PRKCB: variants seen among roughly 807,000 people sequenced by gnomAD.
PRKCB encodes protein kinase C beta type.
A neutral mutation model predicts 81.5 loss-of-function variants in PRKCB; 13 were observed. The observed-to-expected ratio is 0.16, with a 90% CI of 0.10 to 0.25. PRKCB has a LOEUF of 0.25. Among genes scored for constraint, PRKCB ranks in the 10% least tolerant of loss-of-function variants. The probability of loss-of-function intolerance (pLI) is 1.00; values close to 1 mark genes in which losing one functional copy is unlikely to be tolerated. For synonymous variants in PRKCB, 335 were observed against 321.4 expected (o/e 1.04, Z -0.45); for missense variants, 509 against 875.7 (o/e 0.58, Z 5.29).
intron 16 of PRKCB, among the ~76,000 whole-genome samples, chr16:24,213,116 C>A (rs1392602330): frequency 6.6e-6 from 1 of 151,956 alleles, no homozygotes; most frequent in Admixed American, 6.6e-5. Flanking sequence ...CCGACTGCAA[C>A]CTCCGCCTCC....
intron 9 of PRKCB, among the ~76,000 whole-genome samples, chr16:24,140,329 A>G (rs921791691): frequency 3.9e-5 from 6 of 152,230 alleles, no homozygotes; most frequent in African/African-American, 1.4e-4. Context: ...GAATTCGCCA[A>G]CAACCATGGT....
At chr16:24,106,051 T>TA (rs34076463) in intron 7 of PRKCB, among the ~76,000 whole-genome samples, 3 of 150,502 alleles carry the variant, frequency 2.0e-5, no homozygotes, top group Non-Finnish European at 3.0e-5. Flanking sequence ...TACTTTTTTT[T>TA]AAAAAAACTT....
At chr16:24,005,129 C>T (rs1965100256) in intron 3 of PRKCB, among the ~76,000 whole-genome samples, 1 of 151,834 alleles carries the variant, frequency 6.6e-6, no homozygotes, top group African/African-American at 2.4e-5. Flanking sequence ...TATGCTTAAA[C>T]TCTGTACATT....
At chr16:24,001,264 A>G (rs1198114896) in intron 3 of PRKCB, among the ~76,000 whole-genome samples, 1 of 152,196 alleles carries the variant, frequency 6.6e-6, no homozygotes, top group South Asian at 2.1e-4. Flanking sequence ...TCAACACTTT[A>G]TGGCTTTAGA....
At chr16:24,092,713 C>T in intron 5 of PRKCB, 78 bp from the exon 6 acceptor site, 6 of 1,389,496 alleles carry the variant, frequency 4.3e-6, no homozygotes, top group Non-Finnish European at 4.9e-6. Flanking sequence ...GAACCTTCCA[C>T]AAGTTCTGCA....
chr16:24,189,180 G>T (rs546958141), intron 15 of PRKCB, among the ~76,000 whole-genome samples: 1 of 152,268 alleles, frequency 6.6e-6, no homozygotes, highest in East Asian at 1.9e-4. Flanking sequence ...GCTAGGCAGA[G>T]GTGGAGTCTG....
chr16:24,038,367 G>A (rs2046892), intron 5 of PRKCB, among the ~76,000 whole-genome samples: 71,797 of 152,120 alleles, frequency 0.47, 17,223 homozygotes, highest in South Asian at 0.64. Context: ...GATGTTCAGA[G>A]CAGGCAAATG....
chr16:24,091,351 A>G (rs183035467), intron 5 of PRKCB, among the ~76,000 whole-genome samples: 66 of 152,344 alleles, frequency 4.3e-4, no homozygotes, highest in African/African-American at 1.6e-3. Context: ...TTCACCTTTT[A>G]GCAGATAGTT....
chr16:24,125,572 A>G (rs1023439373), intron 9 of PRKCB, among the ~76,000 whole-genome samples: 2 of 152,082 alleles, frequency 1.3e-5, no homozygotes, highest in Admixed American at 6.5e-5. Context: ...ACTGTCCATT[A>G]TGTTTAACTC....
At position 23,988,670 on chromosome 16, in the gene PRKCB, A is replaced by G. The variant is rs945081383; in HGVS notation, c.288+80A>G. On this transcript the variant is annotated intron_variant, in intron 3 of 16. Transcript: ENST00000643927. ...ATTAAATGTGAGTGAGCATTCTTAGACGAGTAAGTGTGGACGATCTCACTC... is the reference window on the plus strand; with the variant it reads ...ATTAAATGTGAGTGAGCATTCTTAGGCGAGTAAGTGTGGACGATCTCACTC... The G allele has an allele frequency of 3.1e-6, 4 of 1,288,168 alleles. No individual in the cohort carries two copies. The African/African-American group carries it at 4.4e-5, about 14-fold the overall frequency. 79.8% of individuals were successfully genotyped at this position (1,288,168 alleles called of 1,614,324 possible).
At chr16:24,165,440 T>A (rs1967327447) in intron 10 of PRKCB, among the ~76,000 whole-genome samples, 1 of 152,248 alleles carries the variant, frequency 6.6e-6, no homozygotes, top group Non-Finnish European at 1.5e-5. Flanking sequence ...TTCATCGTTT[T>A]CATCCTTTTA....
At chr16:24,021,056 TTCCC>T (rs10654080) in intron 3 of PRKCB, among the ~76,000 whole-genome samples, 6 of 47,262 alleles carry the variant, frequency 1.3e-4, no homozygotes, top group East Asian at 8.4e-4. Context: ...CTTTCTTTCT[TTCCC>T]TCCCTCCCTC....
intron 5 of PRKCB, among the ~76,000 whole-genome samples, chr16:24,060,331 G>T (rs950214775): frequency 6.6e-6 from 1 of 152,114 alleles, no homozygotes; most frequent in African/African-American, 2.4e-5. Flanking sequence ...CCTTCACAGC[G>T]CTTAGTGCAT....
chr16:23,921,680 C>T (rs1300958894), intron 2 of PRKCB, among the ~76,000 whole-genome samples: 3 of 152,086 alleles, frequency 2.0e-5, no homozygotes, highest in Admixed American at 2.0e-4. Flanking sequence ...ACCCATCTGT[C>T]ATCCCAGCTA....
intron 16 of PRKCB, among the ~76,000 whole-genome samples, chr16:24,210,638 C>A (rs1331319697): frequency 6.6e-6 from 1 of 151,870 alleles, no homozygotes; most frequent in Non-Finnish European, 1.5e-5. Flanking sequence ...TAGCTGGGAC[C>A]ACAGGTGTGC....
In PRKCB at chr16:23,902,224, G is replaced by C. The variant is rs575855624; in HGVS notation, c.205+64818G>C. ...AACTTGGATTTTTCTCCTTATAAGG[G>C]AGAAGATCCAAGAAGACAATGAAAA... On this transcript the variant is annotated intron_variant, in intron 2 of 16. Coordinates refer to ENST00000643927, the MANE Select transcript of PRKCB (RefSeq NM_002738.7). Among the ~76,000 whole-genome samples, 17 of 152,208 alleles carry C rather than the reference G, an allele frequency of 1.1e-4. No individual in the cohort carries two copies. The South Asian group carries it at 3.5e-3, about 32-fold the overall frequency.
Position 24,215,257 on chromosome 16 carries a change from G to T in PRKCB, c.*441G>T, listed in dbSNP as rs1354240597. ...AGTGTATGGTTGCTTTGCCTAAGAG[G>T]AATCCCTCTATTTCACCTGTTCTGG... On this transcript the variant is annotated 3_prime_UTR_variant, in exon 17 of 17. Coordinates refer to ENST00000643927, the MANE Select transcript of PRKCB (RefSeq NM_002738.7). 21 of 991,022 alleles carry T rather than the reference G, an allele frequency of 2.1e-5. No individual in the cohort carries two copies. The Middle Eastern group carries it at 1.5e-3, about 73-fold the overall frequency. The allele number at this position is 991,022 out of a possible 1,614,324, so 61.4% of individuals were successfully genotyped here.
chr16:24,013,409 A>G (rs1047733067), intron 3 of PRKCB, among the ~76,000 whole-genome samples: 1 of 152,240 alleles, frequency 6.6e-6, no homozygotes, highest in Non-Finnish European at 1.5e-5. Flanking sequence ...ATAAAAATGA[A>G]TCACTAGCTG....
chr16:23,868,658 A>G (rs1175445161), intron 2 of PRKCB, among the ~76,000 whole-genome samples: 2 of 152,262 alleles, frequency 1.3e-5, no homozygotes, highest in Non-Finnish European at 2.9e-5. Flanking sequence ...CTTGATATCA[A>G]TTAATAGAAC....
Sources: allele counts gnomAD v4.1 joint callset (sites outside exome capture counted in the v4.1 genomes callset), GRCh38; gene constraint gnomAD v4.1.1; transcripts MANE v1.5; gene names NCBI Gene and HGNC (gene_info 2026-07-23, HGNC 2026-07-21).